AHCTF1: variants seen among roughly 807,000 people sequenced by gnomAD.
AHCTF1 encodes the protein protein ELYS.
Under a neutral mutation model 248.4 loss-of-function variants are expected in AHCTF1, and 24 were observed. The ratio of observed to expected loss-of-function variants is 0.10; its 90% confidence interval spans 0.07 to 0.14. The LOEUF is 0.14. Among genes scored for constraint, AHCTF1 ranks in the 10% least tolerant of loss-of-function variants. The pLI is 1.00. For missense variants in AHCTF1, 2,206 were observed against 2,636.2 expected (o/e 0.84, Z 3.57); for synonymous variants, 786 against 929.8 (o/e 0.85, Z 2.81).
At chr1:246,870,884 T>A (rs1205920554) in intron 24 of AHCTF1, among the ~76,000 whole-genome samples, 1 of 152,162 alleles carries the variant, frequency 6.6e-6, no homozygotes, top group African/African-American at 2.4e-5. Flanking sequence ...ATTCGGGTAT[T>A]TTAACAAAGC....
rs1408702171 is a variant in AHCTF1, at chr1:246,851,370, A to G, written c.4636T>C (p.Tyr1546His). The G allele has an allele frequency of 6.2e-7, 1 of 1,613,956 alleles. No homozygotes were observed. The highest frequency in any genetic ancestry group is 1.1e-5 in the South Asian group (1 of 91,056). Residue 1546 changes from tyrosine (Y) to histidine (H), a missense_variant, in exon 33 of 36, where the codon TAT becomes CAT. Physicochemically the swap from Tyr to His is moderately conservative, Grantham distance 83. This residue lies in a region of AHCTF1 where 955 missense variants were observed against 1,055.6 expected (regional missense o/e 0.90). Transcript: ENST00000648844. ...TGAAGCTTAAGTGTTCCAGAGGGAT[A>G]TAACTCATTAAATGAAAGATTCCTA... ...EARNLSFNEL[Y>H]PSGTLKLQYN...
Position 246,885,698 on chromosome 1 carries a change from A to C in AHCTF1, c.2473-18T>G. 2 of 1,589,074 alleles carry C rather than the reference A, an allele frequency of 1.3e-6. No homozygotes were observed. Among genetic ancestry groups the C allele is most frequent in the Non-Finnish European group, 1.7e-6 (2 of 1,165,706 alleles). ...AAACCACTCTGGAAATAACATGAAAAATGTTAAATATAAATATAATCCTAT... is the reference window on the plus strand; with the variant it reads ...AAACCACTCTGGAAATAACATGAAACATGTTAAATATAAATATAATCCTAT... On this transcript the variant is annotated intron_variant, in intron 20 of 35. Coordinates refer to ENST00000648844, the MANE Select transcript of AHCTF1 (RefSeq NM_001323342.2).
chr1:246,882,425 T>A (rs1207184420), intron 21 of AHCTF1, among the ~76,000 whole-genome samples: 1 of 152,174 alleles, frequency 6.6e-6, no homozygotes, highest in East Asian at 1.9e-4. Flanking sequence ...TATTTGTAAA[T>A]TAAAACTTCT....
rs189737862 is a variant in AHCTF1, at chr1:246,912,415, G to A, written c.556+817C>T. ...GGAGAATTGCTTGAACACGGGAGGCGGAGGTTGCAGTGAGCAGGGATTACG... is the reference window on the plus strand; with the variant it reads ...GGAGAATTGCTTGAACACGGGAGGCAGAGGTTGCAGTGAGCAGGGATTACG... On this transcript the variant is annotated intron_variant, in intron 4 of 35. Transcript: ENST00000648844. 2.2e-3 allele frequency among the ~76,000 whole-genome samples: 337 copies of A among 151,744 alleles called. 1 individual carries two copies. Among genetic ancestry groups the A allele is most frequent in the Non-Finnish European group, 2.5e-3 (167 of 67,872 alleles).
chr1:246,884,447 G>A (rs1663670055), intron 21 of AHCTF1, among the ~76,000 whole-genome samples: 1 of 152,128 alleles, frequency 6.6e-6, no homozygotes, highest in African/African-American at 2.4e-5. Flanking sequence ...GTGGTAATTG[G>A]TTCATGTATA....
intron 11 of AHCTF1, 68 bp downstream of exon 11, chr1:246,899,383 A>G: frequency 7.6e-7 from 1 of 1,319,160 alleles, no homozygotes; most frequent in Non-Finnish European, 1.1e-6. Context: ...TAAAACTTAA[A>G]TCCATAAATC....
At chr1:246,931,087 C>T (rs1224655988) in intron 1 of AHCTF1, 6 of 1,546,026 alleles carry the variant, frequency 3.9e-6, no homozygotes, top group Non-Finnish European at 5.2e-6. Context: ...AACCTCACGG[C>T]TGAGCCCCGA....
At chr1:246,922,466 C>T (rs1042229686) in intron 1 of AHCTF1, among the ~76,000 whole-genome samples, 3 of 151,328 alleles carry the variant, frequency 2.0e-5, no homozygotes, top group Non-Finnish European at 4.4e-5. Context: ...CACTCTGTCA[C>T]CCAGGCTGGA....
intron 4 of AHCTF1, 132 bp from the exon 5 acceptor site, chr1:246,907,890 T>G: frequency 1.3e-6 from 1 of 761,124 alleles, no homozygotes; most frequent in Non-Finnish European, 2.1e-6. Context: ...AAAAGATTAG[T>G]GATAACAAAA....
At chr1:246,886,482 G>A (rs1663827945) in intron 20 of AHCTF1, among the ~76,000 whole-genome samples, 4 of 152,104 alleles carry the variant, frequency 2.6e-5, no homozygotes, top group Admixed American at 2.0e-4. Context: ...ATCTAGAGAT[G>A]ACTTAAAATA....
intron 8 of AHCTF1, among the ~76,000 whole-genome samples, chr1:246,901,034 A>C (rs1664959024): frequency 6.6e-6 from 1 of 152,220 alleles, no homozygotes; most frequent in African/African-American, 2.4e-5. Context: ...GGAAATAGGA[A>C]GAATGGGGAA....
intron 21 of AHCTF1, among the ~76,000 whole-genome samples, chr1:246,882,201 G>C (rs1008525869): frequency 2.7e-4 from 41 of 149,410 alleles, no homozygotes; most frequent in Middle Eastern, 3.4e-3. Context: ...GTTTCACCGT[G>C]TTAGCCAGGA....
At chr1:246,845,719 T>C (rs1057449699) in intron 33 of AHCTF1, among the ~76,000 whole-genome samples, 4 of 152,198 alleles carry the variant, frequency 2.6e-5, no homozygotes, top group African/African-American at 4.8e-5. Flanking sequence ...TGTATGTCAA[T>C]TCTTTACCCA....
chr1:246,869,011 A>T (rs972301993), intron 24 of AHCTF1, among the ~76,000 whole-genome samples: 7 of 151,092 alleles, frequency 4.6e-5, no homozygotes, highest in African/African-American at 9.8e-5. Context: ...TGCCTGGCTA[A>T]CTTTTTCTAT....
chr1:246,920,331 A>T (rs1273907434), intron 1 of AHCTF1, among the ~76,000 whole-genome samples: 2 of 152,116 alleles, frequency 1.3e-5, no homozygotes, highest in African/African-American at 4.8e-5. Context: ...GAAACTGTAA[A>T]TGTTAAAGGA....
intron 20 of AHCTF1, among the ~76,000 whole-genome samples, chr1:246,886,690 G>A (rs1663842787): frequency 1.3e-5 from 2 of 151,958 alleles, no homozygotes; most frequent in African/African-American, 4.8e-5. Context: ...ATGTGCATAG[G>A]GTATATGCAA....
At chr1:246,884,196 C>G (rs112266039) in intron 21 of AHCTF1, among the ~76,000 whole-genome samples, 1 of 152,144 alleles carries the variant, frequency 6.6e-6, no homozygotes, top group Non-Finnish European at 1.5e-5. Flanking sequence ...CAATTTTGAT[C>G]TCATAAAAAA....
Position 246,904,024 on chromosome 1 carries a change from ATCCCCT to A in AHCTF1, c.885_890del (p.Glu295_Gly296del), listed in dbSNP as rs1665206233. 3 of 1,613,720 alleles carry A rather than the reference ATCCCCT, an allele frequency of 1.9e-6. No homozygotes were observed. Among genetic ancestry groups the A allele is most frequent in the Non-Finnish European group, 1.7e-6 (2 of 1,179,808 alleles). On this transcript the variant is annotated inframe_deletion, in exon 7 of 36. Transcript: ENST00000648844. The stretch of plus-strand genomic sequence containing the variant: ...GCTGCAGCAGATGCAAACTCAAAAC[ATCCCCT>A]TCACTGAAACAGAAATTAACGAAGA...
At chr1:246,851,700 A>T (rs1003675221) in intron 32 of AHCTF1, among the ~76,000 whole-genome samples, 1 of 152,214 alleles carries the variant, frequency 6.6e-6, no homozygotes, top group Admixed American at 6.5e-5. Context: ...CTAAAAAGAC[A>T]GTCAACAAAA....
Sources: allele counts gnomAD v4.1 joint callset (sites outside exome capture counted in the v4.1 genomes callset), GRCh38; gene constraint gnomAD v4.1.1; regional missense constraint gnomAD v4.1.1; transcripts MANE v1.5; gene names NCBI Gene and HGNC (gene_info 2026-07-23, HGNC 2026-07-21).